Variants in NAV2 observed in about 807,000 individuals in gnomAD.
NAV2 encodes neuron navigator 2.
NAV2 carries 54 observed loss-of-function variants against 223.2 expected under a neutral mutation model. The observed-to-expected ratio is 0.24, with a 90% confidence interval of 0.19 to 0.30. The LOEUF is 0.30. Ranked by LOEUF, NAV2 falls within the 10% of genes least tolerant of loss-of-function variation. The probability of loss-of-function intolerance (pLI) is 1.00; values close to 1 mark genes in which losing one functional copy is unlikely to be tolerated. For synonymous variants in NAV2, 1,279 were observed against 1,239.3 expected, an observed-to-expected ratio of 1.03 and a Z score of -0.67; for missense variants, 2,806 against 3,147.5, an observed-to-expected ratio of 0.89 and a Z score of 2.60.
intron 1 of NAV2, among the ~76,000 whole-genome samples, chr11:19,377,117 C>A (rs1848666629): frequency 6.6e-6 from 1 of 152,122 alleles, no homozygotes; most frequent in Admixed American, 6.5e-5. Flanking sequence ...CAATCTCTGT[C>A]CTTTTTCTAG....
chr11:19,376,279 A>T (rs1256293057), intron 1 of NAV2, among the ~76,000 whole-genome samples: 1 of 152,252 alleles, frequency 6.6e-6, no homozygotes. Context: ...AAACAAACAA[A>T]CAAACAAAAA....
chr11:19,507,700 G>A (rs1248003761), intron 1 of NAV2, among the ~76,000 whole-genome samples: 1 of 152,186 alleles, frequency 6.6e-6, no homozygotes, highest in Non-Finnish European at 1.5e-5. Flanking sequence ...TGATGCCGAT[G>A]ATATTAATGA....
intron 5 of NAV2, among the ~76,000 whole-genome samples, chr11:19,884,952 T>C (rs1258015365): frequency 6.6e-6 from 1 of 152,164 alleles, no homozygotes. Flanking sequence ...CCGCCTCAGT[T>C]CCCTGAAAAT....
In NAV2 at chr11:19,635,613, C is replaced by A. The variant is rs75566530; in HGVS notation, c.76-196871C>A. Among the ~76,000 whole-genome samples the A allele has an allele frequency of 2.2e-3, 328 of 152,268 alleles. 1 individual carries two copies. Among genetic ancestry groups the A allele is most frequent in the African/African-American group, 7.4e-3 (307 of 41,556 alleles). ...GAGGCAGATGTGTTCAAAGAGATCA[C>A]ATAGCAAGAGAGGAGGGAATAGACA... is the stretch of plus-strand genomic sequence containing the variant. On this transcript the variant is annotated intron_variant, in intron 1 of 37. Coordinates refer to the NAV2 transcript ENST00000360655.
chr11:19,977,689 G>C (rs577167548), intron 10 of NAV2, among the ~76,000 whole-genome samples: 1 of 151,254 alleles, frequency 6.6e-6, no homozygotes, highest in Non-Finnish European at 1.5e-5. Flanking sequence ...TTCGCACTGA[G>C]AAATTAAGCC....
chr11:20,043,933 C>T (rs2057198159), intron 12 of NAV2, 48 bp from the exon 13 acceptor site: 1 of 1,581,356 alleles, frequency 6.3e-7, no homozygotes, highest in Admixed American at 1.7e-5. Context: ...GAGGGGCTTC[C>T]CAGCCTGGGA....
At chr11:20,055,018 G>A (rs1181283899) in intron 18 of NAV2, among the ~76,000 whole-genome samples, 1 of 152,236 alleles carries the variant, frequency 6.6e-6, no homozygotes, top group Non-Finnish European at 1.5e-5. Flanking sequence ...AGGTGGCAGA[G>A]TAGGAGCTGA....
chr11:19,366,089 T>G (rs1319349519), intron 1 of NAV2, among the ~76,000 whole-genome samples: 1 of 152,210 alleles, frequency 6.6e-6, no homozygotes, highest in African/African-American at 2.4e-5. Context: ...ATCTCTCATT[T>G]CAGCAGCCAC....
chr11:19,622,728 T>C (rs965072931), intron 1 of NAV2, among the ~76,000 whole-genome samples: 2 of 152,220 alleles, frequency 1.3e-5, no homozygotes, highest in African/African-American at 4.8e-5. Flanking sequence ...AATTTTCCAG[T>C]CTGTGTCTTT....
Position 19,422,490 on chromosome 11 carries a change from G to A in NAV2, c.75+71463G>A, listed in dbSNP as rs984256998. ...TGTGACGCCAAACCCAGCAGAGCGT[G>A]GCTGGTCTGCACAGGATTGTGGGTT... On this transcript the variant is annotated intron_variant, in intron 1 of 37. Transcript: ENST00000360655. 3.7e-4 allele frequency among the ~76,000 whole-genome samples: 57 copies of A among 152,188 alleles called. 1 individual carries two copies. Among genetic ancestry groups the A allele is most frequent in the African/African-American group, 1.3e-3 (55 of 41,460 alleles).
chr11:19,557,377 G>A (rs2134723889), intron 1 of NAV2, among the ~76,000 whole-genome samples: 1 of 152,340 alleles, frequency 6.6e-6, no homozygotes, highest in South Asian at 2.1e-4. Flanking sequence ...GGCTTACGAT[G>A]AGTAAACTGA....
At chr11:19,609,625 A>G (rs959780375) in intron 1 of NAV2, among the ~76,000 whole-genome samples, 5 of 152,224 alleles carry the variant, frequency 3.3e-5, no homozygotes, top group Non-Finnish European at 7.3e-5. Context: ...TGCCTTGAAG[A>G]CAGGAATCAT....
chr11:19,701,021 C>G (rs369466655), intron 1 of NAV2, among the ~76,000 whole-genome samples: 2 of 152,178 alleles, frequency 1.3e-5, no homozygotes, highest in Admixed American at 1.3e-4. Context: ...GTGAAATAGT[C>G]GTCATCATTC....
At chr11:19,962,707 A>T (rs1476661309) in intron 10 of NAV2, among the ~76,000 whole-genome samples, 1 of 152,170 alleles carries the variant, frequency 6.6e-6, no homozygotes, top group South Asian at 2.1e-4. Context: ...GCAGAGTGAG[A>T]CAGACACACT....
rs1367452058 is a variant in NAV2, at chr11:20,118,443, A to G, written c.*185A>G. ...GGCATCCCGGGCCAGCTGCCTGCGG[A>G]CCGCTTCCTTCCACAGCGAGAACTG... On this transcript the variant is annotated 3_prime_UTR_variant, in exon 38 of 38. Coordinates refer to ENST00000349880, the MANE Select transcript of NAV2 (RefSeq NM_145117.5). 4 of 653,258 alleles carry G rather than the reference A, an allele frequency of 6.1e-6. No individual in the cohort carries two copies. Among genetic ancestry groups the G allele is most frequent in the Non-Finnish European group, 1.1e-5 (4 of 370,622 alleles). 40.5% of individuals were successfully genotyped at this position (653,258 alleles called of 1,614,324 possible).
At chr11:20,074,773 T>TTTTTTTTTTTTTTTTTTTTTTTTTC (rs2059618224) in intron 22 of NAV2, among the ~76,000 whole-genome samples, 1 of 145,914 alleles carries the variant, frequency 6.9e-6, no homozygotes, top group Non-Finnish European at 1.5e-5. Context: ...TTTTTTTTTT[T>TTTTTTTTTTTTTTTTTTTTTTTTTC]TTTGCTTTCC....
intron 6 of NAV2, among the ~76,000 whole-genome samples, chr11:19,918,645 G>A (rs1434248684): frequency 6.6e-6 from 1 of 152,206 alleles, no homozygotes; most frequent in Non-Finnish European, 1.5e-5. Flanking sequence ...GTATTTGGCT[G>A]ACCAGATTTT....
chr11:20,048,671 G>T (rs531464118), intron 14 of NAV2, 57 bp from the exon 15 acceptor site: 2 of 1,454,722 alleles, frequency 1.4e-6, no homozygotes, highest in Non-Finnish European at 1.9e-6. Context: ...TTCTTTAACA[G>T]TCCGGTGCCC....
intron 1 of NAV2, among the ~76,000 whole-genome samples, chr11:19,654,219 C>A (rs1285533026): frequency 6.6e-6 from 1 of 152,116 alleles, no homozygotes; most frequent in Non-Finnish European, 1.5e-5. Flanking sequence ...GAACTACAAA[C>A]CACTGCTCAA....
Sources: gnomAD v4.1 joint callset for allele counts (sites outside exome capture counted in the v4.1 genomes callset) on GRCh38, gnomAD v4.1.1 for gene constraint, MANE v1.5 for transcripts, NCBI Gene and HGNC (gene_info 2026-07-23, HGNC 2026-07-21) for gene names.